Variants in RPP30 observed in about 807,000 individuals in gnomAD.
The protein encoded by RPP30 is ribonuclease P/MRP subunit p30, also known as ribonuclease P protein subunit p30.
In RPP30, 36 loss-of-function variants were observed where a neutral mutation model predicts 38.6. That is an observed-to-expected ratio of 0.93 (90% CI 0.71 to 1.23). The LOEUF (loss-of-function observed/expected upper bound fraction) is 1.23, where lower values mean the gene tolerates loss of function less well. RPP30 is among the 50% of genes most tolerant of loss of function. RPP30 has a pLI of 0.00. For missense variants in RPP30, 321 were observed against 321.7 expected (o/e 1.00, Z 0.02); for synonymous variants, 126 against 112.7 (o/e 1.12, Z -0.75).
intron 4 of RPP30, among the ~76,000 whole-genome samples, chr10:90,877,620 CAA>C (rs763564852): frequency 9.7e-5 from 13 of 134,452 alleles, no homozygotes; most frequent in African/African-American, 1.4e-4. Context: ...AGCAGACAGG[CAA>C]AAAAAAAAAA....
At chr10:90,879,028 G>T in intron 4 of RPP30, 35 bp from the exon 5 acceptor site, 2 of 1,565,238 alleles carry the variant, frequency 1.3e-6, no homozygotes, top group East Asian at 2.2e-5. Context: ...TATGGATTTT[G>T]TTATTGTATG....
chr10:90,889,563 T>G (rs1054940201), intron 6 of RPP30, among the ~76,000 whole-genome samples: 3 of 152,074 alleles, frequency 2.0e-5, no homozygotes, highest in African/African-American at 7.2e-5. Context: ...TCCACCCGCC[T>G]CGGCCAGGAT....
intron 10 of RPP30, among the ~76,000 whole-genome samples, chr10:90,899,620 G>T (rs537876684): frequency 6.6e-6 from 1 of 152,164 alleles, no homozygotes; most frequent in East Asian, 1.9e-4. Context: ...CTTCACATCA[G>T]CCATATTGTC....
chr10:90,902,020 ATC>A lies in RPP30; in HGVS notation c.*1344_*1345del. 1 of 527,528 alleles carries A rather than the reference ATC, an allele frequency of 1.9e-6. No homozygotes were observed. The highest frequency in any genetic ancestry group is 2.1e-5 in the African/African-American group (1 of 48,186). The allele number at this position is 527,528 out of a possible 1,614,324, so 32.7% of individuals were successfully genotyped here. ...CACCGTGTTAGCCAGGATGGTCTCA[ATC>A]TCCTGACCTCATATTCCACCCGCCT... On this transcript the variant is annotated 3_prime_UTR_variant, in exon 11 of 11. Transcript: ENST00000371703.
intron 8 of RPP30, 59 bp downstream of exon 8, chr10:90,895,542 C>T (rs1479210839): frequency 4.1e-6 from 4 of 976,550 alleles, no homozygotes; most frequent in Non-Finnish European, 2.8e-6. Flanking sequence ...TTTTCAGTTT[C>T]TAGGGGATAA....
At chr10:90,903,223 C>A (rs368118624), downstream of RPP30, 2 of 1,608,712 alleles carry the variant, frequency 1.2e-6, no homozygotes, top group South Asian at 2.2e-5. Context: ...AACTTTTGAT[C>A]TCTCATCAGA....
intron 6 of RPP30, among the ~76,000 whole-genome samples, chr10:90,893,966 C>A (rs1414593407): frequency 6.6e-6 from 1 of 152,184 alleles, no homozygotes; most frequent in Non-Finnish European, 1.5e-5. Flanking sequence ...CACTCATCTA[C>A]TTACCTGTGG....
intron 6 of RPP30, among the ~76,000 whole-genome samples, chr10:90,890,530 C>T (rs138744487): frequency 5.0e-4 from 76 of 152,234 alleles, no homozygotes; most frequent in African/African-American, 1.8e-3. Context: ...AGTATCTAAA[C>T]AGTGAGGTAG....
chr10:90,896,256 G>T (rs141880451), intron 9 of RPP30, 57 bp from the exon 10 acceptor site: 20 of 1,465,712 alleles, frequency 1.4e-5, no homozygotes, highest in Non-Finnish European at 1.9e-5. Context: ...TGTTATGTTT[G>T]TGTTAGTCTC....
chr10:90,875,653 A>T (rs1564710068), intron 3 of RPP30, 39 bp downstream of exon 3: 1 of 1,543,694 alleles, frequency 6.5e-7, no homozygotes, highest in Non-Finnish European at 9.0e-7. Flanking sequence ...ATATCTATTT[A>T]TTCAGTTAAA....
rs141541697 is a variant in RPP30 at position 90,876,073 on chromosome 10, C to T, written c.245C>T (p.Ser82Leu). 3.1e-5 allele frequency: 49 copies of T among 1,581,936 alleles called. No homozygotes were observed. Among genetic ancestry groups the T allele is most frequent in the Non-Finnish European group, 4.0e-5 (46 of 1,151,348 alleles). Residue 82 changes from serine (S) to leucine (L), a missense_variant, in exon 4 of 11, where the codon TCG becomes TTG. Physicochemically the swap from Ser to Leu is moderately radical, Grantham distance 145. Coordinates refer to ENST00000371703, the MANE Select transcript of RPP30 (RefSeq NM_006413.5). ...TTAACTAGATTAACAATTATTGTCTCGGATCCATCTCACTGCAATGTTTTG... is the reference window on the plus strand; with the variant it reads ...TTAACTAGATTAACAATTATTGTCTTGGATCCATCTCACTGCAATGTTTTG... ...KILTRLTIIV[S>L]DPSHCNVLRA... is the part of the protein sequence containing the mutation.
chr10:90,882,488 C>T (rs2120197495), intron 5 of RPP30, among the ~76,000 whole-genome samples: 1 of 152,136 alleles, frequency 6.6e-6, no homozygotes, highest in East Asian at 1.9e-4. Flanking sequence ...ACGGTGAAAC[C>T]CCGACTCCAC....
rs531075491 is a variant in RPP30 at position 90,901,524 on chromosome 10, T to C, written c.*845T>C. The C allele has an allele frequency of 6.1e-6, 6 of 985,320 alleles. No individual in the cohort carries two copies. The Admixed American group carries it at 2.5e-4, about 40-fold the overall frequency. 61.0% of individuals were successfully genotyped at this position (985,320 alleles called of 1,614,324 possible). Reference sequence around the variant, plus strand: ...CTTCCTTCACTGCTTCATGCCTACGTAAGGTCTTTGAAATAGGATTCCTTA... The same window carrying C: ...CTTCCTTCACTGCTTCATGCCTACGCAAGGTCTTTGAAATAGGATTCCTTA... On this transcript the variant is annotated 3_prime_UTR_variant, in exon 11 of 11. Coordinates refer to ENST00000371703, the MANE Select transcript of RPP30 (RefSeq NM_006413.5).
At chr10:90,872,192 G>A (rs1846787017) in intron 1 of RPP30, 124 bp downstream of exon 1, 2 of 817,518 alleles carry the variant, frequency 2.4e-6, no homozygotes, top group East Asian at 2.5e-5. Flanking sequence ...GATGTCCCTG[G>A]AGGCTGATGC....
chr10:90,877,283 C>T (rs1010028965), intron 4 of RPP30, among the ~76,000 whole-genome samples: 11 of 151,604 alleles, frequency 7.3e-5, no homozygotes, highest in Non-Finnish European at 1.0e-4. Context: ...CTCTAGCCTG[C>T]GCAACAGAGC....
intron 1 of RPP30, among the ~76,000 whole-genome samples, chr10:90,874,616 A>G: frequency 6.6e-6 from 1 of 152,258 alleles, no homozygotes; most frequent in Non-Finnish European, 1.5e-5. Context: ...TTTCATTTAA[A>G]TTTCATGACA....
chr10:90,887,386 ATTTT>A (rs1267063795), intron 6 of RPP30, among the ~76,000 whole-genome samples: 1 of 143,412 alleles, frequency 7.0e-6, no homozygotes, highest in Non-Finnish European at 1.5e-5. Context: ...TGTTGGGTAA[ATTTT>A]TTTTTTTTTT....
At chr10:90,892,081 G>C (rs1847087860) in intron 6 of RPP30, among the ~76,000 whole-genome samples, 1 of 152,146 alleles carries the variant, frequency 6.6e-6, no homozygotes, top group Non-Finnish European at 1.5e-5. Flanking sequence ...TGATTCAACT[G>C]TCACACACCT....
chr10:90,875,755 G>A, intron 3 of RPP30, 141 bp downstream of exon 3: 1 of 730,522 alleles, frequency 1.4e-6, no homozygotes, highest in Non-Finnish European at 2.4e-6. Context: ...AGCTCTTCAG[G>A]AAACATTCTT....
Sources: allele counts gnomAD v4.1 joint callset (sites outside exome capture counted in the v4.1 genomes callset), GRCh38; gene constraint gnomAD v4.1.1; transcripts MANE v1.5; gene names NCBI Gene and HGNC (gene_info 2026-07-23, HGNC 2026-07-21).